The following SORCS3 variants were observed in gnomAD, a reference collection of about 807,000 sequenced individuals.
SORCS3 encodes the protein sortilin related VPS10 domain containing receptor 3.
SORCS3 carries 57 observed loss-of-function variants against 146.3 expected under a neutral mutation model. The ratio of observed to expected loss-of-function variants is 0.39; its 90% CI spans 0.31 to 0.49. The LOEUF is 0.49. Among genes scored for constraint, SORCS3 ranks in the 20% least tolerant of loss-of-function variants. SORCS3 has a pLI of 0.92. For synonymous variants in SORCS3, 653 were observed against 618.5 expected, an observed-to-expected ratio of 1.06 and a Z score of -0.83; for missense variants, 1,341 against 1,575.5, an observed-to-expected ratio of 0.85 and a Z score of 2.52.
intron 2 of SORCS3, among the ~76,000 whole-genome samples, chr10:104,852,554 T>A (rs185245329): frequency 3.9e-5 from 6 of 152,158 alleles, no homozygotes; most frequent in African/African-American, 1.2e-4. Flanking sequence ...TCTATGAACT[T>A]ATAGTTTTAA....
At chr10:104,736,312 C>A (rs917027995) in intron 1 of SORCS3, among the ~76,000 whole-genome samples, 1 of 152,130 alleles carries the variant, frequency 6.6e-6, no homozygotes, top group Non-Finnish European at 1.5e-5. Flanking sequence ...GGGGGCAGGA[C>A]TGAGCTTGTT....
At chr10:104,762,480 C>A (rs910282383) in intron 1 of SORCS3, among the ~76,000 whole-genome samples, 2 of 152,166 alleles carry the variant, frequency 1.3e-5, no homozygotes, top group African/African-American at 4.8e-5. Context: ...GCATGTCTTT[C>A]TTATCTCTTC....
At chr10:105,191,697 A>G (rs988482518) in intron 14 of SORCS3, among the ~76,000 whole-genome samples, 4 of 152,020 alleles carry the variant, frequency 2.6e-5, no homozygotes, top group Admixed American at 6.6e-5. Flanking sequence ...AAACTGTTCC[A>G]CCTCAGATCA....
intron 1 of SORCS3, among the ~76,000 whole-genome samples, chr10:104,659,010 A>T (rs896064213): frequency 6.6e-6 from 1 of 152,206 alleles, no homozygotes; most frequent in Non-Finnish European, 1.5e-5. Context: ...GCAAGGATCA[A>T]AATGAAATCA....
At chr10:104,992,503 G>C (rs1159384447) in intron 4 of SORCS3, among the ~76,000 whole-genome samples, 1 of 152,196 alleles carries the variant, frequency 6.6e-6, no homozygotes, top group Non-Finnish European at 1.5e-5. Context: ...AAGTTTGGTT[G>C]ACCTGAATGT....
chr10:104,643,709 G>GGT (rs3069967), intron 1 of SORCS3, among the ~76,000 whole-genome samples: 6,086 of 144,650 alleles, frequency 0.042, 162 homozygotes, highest in Admixed American at 0.094. Context: ...TGATAATTAG[G>GGT]GTGTGTGTGT....
At chr10:105,114,126 C>G (rs1434255479) in intron 7 of SORCS3, among the ~76,000 whole-genome samples, 2 of 152,128 alleles carry the variant, frequency 1.3e-5, no homozygotes, top group Non-Finnish European at 2.9e-5. Flanking sequence ...GAAACAAGAA[C>G]AGTCCCTTAG....
chr10:105,243,296 A>G (rs1418593171), intron 20 of SORCS3, among the ~76,000 whole-genome samples: 1 of 151,974 alleles, frequency 6.6e-6, no homozygotes, highest in African/African-American at 2.4e-5. Flanking sequence ...TTTAACAGAT[A>G]AAGAAGTAAA....
At chr10:105,067,012 C>A (rs936605636) in intron 5 of SORCS3, among the ~76,000 whole-genome samples, 2 of 152,178 alleles carry the variant, frequency 1.3e-5, no homozygotes, top group Admixed American at 6.5e-5. Context: ...TCCAGGTACA[C>A]TTTTAATCTT....
chr10:105,004,000 C>CTTTTTTTTT (rs1226455197), intron 4 of SORCS3, among the ~76,000 whole-genome samples: 1,471 of 140,148 alleles, frequency 0.01, 41 homozygotes, highest in African/African-American at 0.037. Flanking sequence ...TCTTCTCTCT[C>CTTTTTTTTT]TTTTTTTTTT....
chr10:105,137,074 C>A (rs942321118), intron 7 of SORCS3, among the ~76,000 whole-genome samples: 2 of 152,106 alleles, frequency 1.3e-5, no homozygotes, highest in African/African-American at 4.8e-5. Context: ...TTGGAAACCC[C>A]AATGCTCCCA....
In SORCS3 at chr10:104,750,298, A is replaced by G. The variant is rs1330699285; in HGVS notation, c.628-92494A>G. 2.6e-5 allele frequency among the ~76,000 whole-genome samples: 4 copies of G among 152,228 alleles called. No individual in the cohort carries two copies. In the East Asian group the frequency reaches 7.7e-4, roughly 29 times the overall value. Reference sequence around the variant, plus strand: ...AGGGTCACAGACTTATTAGGTAGAAAAAAAAATAAGCAGAATGGACCTCGG... The same window carrying G: ...AGGGTCACAGACTTATTAGGTAGAAGAAAAAATAAGCAGAATGGACCTCGG... On this transcript the variant is annotated intron_variant, in intron 1 of 26. Transcript: ENST00000369701.
intron 1 of SORCS3, among the ~76,000 whole-genome samples, chr10:104,814,845 T>A (rs1340267716): frequency 6.6e-6 from 1 of 152,240 alleles, no homozygotes; most frequent in African/African-American, 2.4e-5. Flanking sequence ...TTATTTGTAC[T>A]TCAGCTCCCA....
At chr10:105,260,292 C>T (rs1209049483) in intron 25 of SORCS3, among the ~76,000 whole-genome samples, 2 of 152,134 alleles carry the variant, frequency 1.3e-5, no homozygotes. Context: ...TTAACCACCC[C>T]CAGACCTAAT....
chr10:105,043,952 A>G (rs1276729060), intron 5 of SORCS3, among the ~76,000 whole-genome samples: 1 of 152,152 alleles, frequency 6.6e-6, no homozygotes, highest in African/African-American at 2.4e-5. Context: ...CTTGCTTGCT[A>G]TAACATGAAA....
At chr10:104,724,869 C>A (rs988793005) in intron 1 of SORCS3, among the ~76,000 whole-genome samples, 2 of 152,122 alleles carry the variant, frequency 1.3e-5, no homozygotes, top group South Asian at 4.1e-4. Flanking sequence ...TTCTAGTTAG[C>A]CATTCGTCTA....
intron 1 of SORCS3, among the ~76,000 whole-genome samples, chr10:104,670,396 T>A (rs1446539920): frequency 1.3e-5 from 2 of 152,106 alleles, no homozygotes; most frequent in African/African-American, 4.8e-5. Flanking sequence ...GTGTGAGGTA[T>A]TTAATTGTTT....
chr10:104,861,490 T>C (rs1242146844), intron 2 of SORCS3, among the ~76,000 whole-genome samples: 1 of 152,214 alleles, frequency 6.6e-6, no homozygotes, highest in Non-Finnish European at 1.5e-5. Flanking sequence ...CTTCAATTTC[T>C]GTCAGGATTG....
intron 7 of SORCS3, among the ~76,000 whole-genome samples, chr10:105,107,253 C>G (rs1212841682): frequency 2.0e-5 from 3 of 151,282 alleles, no homozygotes; most frequent in African/African-American, 7.3e-5. Context: ...GTAGTGTTTC[C>G]TTTTATTCCA....
Sources: gnomAD v4.1 joint callset for allele counts (sites outside exome capture counted in the v4.1 genomes callset) on GRCh38, gnomAD v4.1.1 for gene constraint, MANE v1.5 for transcripts, NCBI Gene and HGNC (gene_info 2026-07-23, HGNC 2026-07-21) for gene names.